B4GALNT2: variants seen among roughly 807,000 people sequenced by gnomAD.
B4GALNT2 encodes the protein N-acetylneuraminylgalactosylglucosyl-glucoside beta-1,4-N- acetylgalactosaminyltransferase 2.
B4GALNT2 carries 42 observed loss-of-function variants against 51.1 expected under a neutral mutation model. The ratio of observed to expected loss-of-function variants is 0.82; its 90% CI spans 0.64 to 1.06. The LOEUF is 1.06. Among genes scored for constraint, B4GALNT2 ranks in the 50% least tolerant of loss-of-function variants. B4GALNT2 has a pLI of 0.00. For synonymous variants in B4GALNT2, 253 were observed against 251.7 expected (o/e 1.01, Z -0.05); for missense variants, 602 against 633.6 (o/e 0.95, Z 0.54).
chr17:49,147,316 G>A (rs1296349254), intron 3 of B4GALNT2, among the ~76,000 whole-genome samples: 1 of 151,180 alleles, frequency 6.6e-6, no homozygotes, highest in African/African-American at 2.4e-5. Flanking sequence ...CTAAGAAAAA[G>A]TTCATTTTTT....
In B4GALNT2 at chr17:49,159,059, G is replaced by T. The variant is rs769982513; in HGVS notation, c.521G>T (p.Gly174Val). Residue 174 changes from glycine to valine, a missense_variant, in exon 6 of 11, where the codon GGG (glycine) becomes GTG (valine). Gly to Val is a moderately radical substitution (Grantham distance 109). Coordinates refer to ENST00000393354, the MANE Select transcript of B4GALNT2 (RefSeq NM_001159387.2). ...VYEVTLTASL[G>V]TLNTLADVPD... ...TAGGTCACCCTGACAGCTTCTCTGG[G>T]GACACTGAACACCCTTGCTGATGTC... The T allele has an allele frequency of 6.2e-7, 1 of 1,614,150 alleles. No homozygotes were observed. Among genetic ancestry groups the T allele is most frequent in the Non-Finnish European group, 8.5e-7 (1 of 1,180,008 alleles).
chr17:49,123,706 A>G, the B4GALNT2 span, among the ~76,000 whole-genome samples: 1 of 152,192 alleles, frequency 6.6e-6, no homozygotes, highest in Non-Finnish European at 1.5e-5. Flanking sequence ...TTAAATACCT[A>G]TGAGTTTCCC....
chr17:49,136,514 TAG>T (rs891316493), intron 1 of B4GALNT2, among the ~76,000 whole-genome samples: 20 of 149,798 alleles, frequency 1.3e-4, no homozygotes, highest in African/African-American at 4.9e-4. Context: ...GCTCTCACAT[TAG>T]AGTTTATTTA....
chr17:49,135,450 G>A (rs1043975982), intron 1 of B4GALNT2, among the ~76,000 whole-genome samples: 2 of 151,536 alleles, frequency 1.3e-5, no homozygotes, highest in Admixed American at 6.6e-5. Flanking sequence ...GCCTAAGATG[G>A]AGTTTCACCA....
In B4GALNT2 at chr17:49,175,890, AAG is replaced by A. The variant is rs1401038247; in HGVS notation, c.*6165_*6166del. 1.3e-5 allele frequency: 2 copies of A among 152,194 alleles called. No homozygotes were observed. Among genetic ancestry groups the A allele is most frequent in the African/African-American group, 4.8e-5 (2 of 41,438 alleles). The allele number at this position is 152,194 out of a possible 1,614,324, so 9.4% of individuals were successfully genotyped here. Reference sequence around the variant, plus strand: ...TCTTCAAAATAATGAGGGGGTGAAGAAGAGTAGGGACAAACCTCTTCCTCATT... The same window carrying A: ...TCTTCAAAATAATGAGGGGGTGAAGAAGTAGGGACAAACCTCTTCCTCATT... On this transcript the variant is annotated 3_prime_UTR_variant, in exon 11 of 11. Coordinates refer to ENST00000393354, the MANE Select transcript of B4GALNT2 (RefSeq NM_001159387.2).
upstream of B4GALNT2, among the ~76,000 whole-genome samples, chr17:49,129,278 G>C (rs182506596): frequency 4.8e-3 from 724 of 152,298 alleles, 1 homozygote; most frequent in Non-Finnish European, 7.2e-3. Context: ...GGCAGTCAGA[G>C]GTGGATTCCT....
chr17:49,123,315 A>C, the B4GALNT2 span, among the ~76,000 whole-genome samples: 2 of 152,236 alleles, frequency 1.3e-5, no homozygotes, highest in Admixed American at 6.5e-5. Flanking sequence ...GCACCTGCTC[A>C]AACAGCTAGT....
At chr17:49,144,466 T>A (rs2042673992) in intron 3 of B4GALNT2, among the ~76,000 whole-genome samples, 1 of 152,176 alleles carries the variant, frequency 6.6e-6, no homozygotes, top group African/African-American at 2.4e-5. Context: ...CACCTAGCTA[T>A]GTGAGGAGCA....
chr17:49,136,465 A>AT (rs577120060), intron 1 of B4GALNT2, among the ~76,000 whole-genome samples: 1 of 151,746 alleles, frequency 6.6e-6, no homozygotes, highest in Non-Finnish European at 1.5e-5. Context: ...CAGTAATTTG[A>AT]TTTTTTTAAA....
At chr17:49,149,004 C>G (rs544925703) in intron 3 of B4GALNT2, 13 of 154,206 alleles carry the variant, frequency 8.4e-5, no homozygotes, top group Non-Finnish European at 1.4e-5. Flanking sequence ...TGCAATAAGC[C>G]GAGATCGTGC....
rs1303347541 is a variant in B4GALNT2 at position 49,171,388 on chromosome 17, AG to A, written c.*1662del. The A allele has an allele frequency of 2.7e-5, 12 of 436,914 alleles. No individual in the cohort carries two copies. The highest frequency in any genetic ancestry group is 2.2e-4 in the Admixed American group (8 of 36,964). 27.1% of individuals were successfully genotyped at this position (436,914 alleles called of 1,614,324 possible). A position where few individuals can be genotyped will look rare whatever the true frequency, so the allele number is the denominator to read the frequency against. On this transcript the variant is annotated 3_prime_UTR_variant, in exon 11 of 11. Transcript: ENST00000393354. Reference sequence around the variant, plus strand: ...TCAAGCACTCCAGTTCCTGGCATTAAGGTCAAGTGTGCCTGGGATGCTTTAA... The same window carrying A: ...TCAAGCACTCCAGTTCCTGGCATTAAGTCAAGTGTGCCTGGGATGCTTTAA...
At chr17:49,167,925 CTT>C (rs1172919668) in intron 9 of B4GALNT2, among the ~76,000 whole-genome samples, 1 of 152,176 alleles carries the variant, frequency 6.6e-6, no homozygotes, top group African/African-American at 2.4e-5. Flanking sequence ...CTCAACCACT[CTT>C]AACCTCCTAC....
intron 3 of B4GALNT2, among the ~76,000 whole-genome samples, chr17:49,149,980 G>A (rs1267570968): frequency 6.6e-6 from 1 of 152,170 alleles, no homozygotes; most frequent in Non-Finnish European, 1.5e-5. Context: ...GATTGAAGCT[G>A]AGTATGTTCC....
rs758014560 is a variant in B4GALNT2, at chr17:49,133,177, C to T, written c.14+371C>T. ...TTGGAACTCAGAGGCGCTGACCCAG[C>T]CTGGGGCCCGTTTGCTGCCCACGGG... On this transcript the variant is annotated intron_variant, in intron 1 of 10. Coordinates refer to ENST00000393354, the MANE Select transcript of B4GALNT2 (RefSeq NM_001159387.2). 2.8e-5 allele frequency: 42 copies of T among 1,514,870 alleles called. No individual in the cohort carries two copies. In the South Asian group the frequency reaches 4.9e-4, roughly 18 times the overall value. The allele number at this position is 1,514,870 out of a possible 1,614,324, so 93.8% of individuals were successfully genotyped here.
Position 49,174,985 on chromosome 17 carries a change from C to T in B4GALNT2, c.*5257C>T, listed in dbSNP as rs2042978700. The stretch of plus-strand genomic sequence containing the variant: ...ATCCATTGTTGTAACAAATCTCTTT[C>T]CCATAAATGTATAGGTACAGAAGTT... On this transcript the variant is annotated 3_prime_UTR_variant, in exon 11 of 11. Transcript: ENST00000393354. The T allele has an allele frequency of 6.6e-6, 1 of 152,154 alleles. No homozygotes were observed. The highest frequency in any genetic ancestry group is 2.4e-5 in the African/African-American group (1 of 41,436). The allele number at this position is 152,154 out of a possible 1,614,324, so 9.4% of individuals were successfully genotyped here. A position where few individuals can be genotyped will look rare whatever the true frequency, so the allele number is the denominator to read the frequency against.
At chr17:49,165,367 CT>C (rs1287553825) in intron 8 of B4GALNT2, among the ~76,000 whole-genome samples, 1 of 140,014 alleles carries the variant, frequency 7.1e-6, no homozygotes, top group African/African-American at 2.7e-5. Flanking sequence ...CCCTACCTTT[CT>C]TCCTCTCCAC....
intron 1 of B4GALNT2, 200 bp downstream of exon 1, chr17:49,133,006 C>T (rs777189354): frequency 2.1e-6 from 3 of 1,462,114 alleles, no homozygotes; most frequent in Admixed American, 5.8e-5. Context: ...GCGTGCGGAA[C>T]GAACTCTGCA....
intron 8 of B4GALNT2, among the ~76,000 whole-genome samples, chr17:49,164,900 C>T (rs1221968684): frequency 6.6e-6 from 1 of 152,114 alleles, no homozygotes; most frequent in Non-Finnish European, 1.5e-5. Flanking sequence ...CAGCCTCAAC[C>T]TTAAAGGCTC....
intron 3 of B4GALNT2, among the ~76,000 whole-genome samples, chr17:49,151,141 G>A (rs1349283830): frequency 0.98 from 3,771 of 3,836 alleles, 1,879 homozygotes; most frequent in Middle Eastern, 1. Flanking sequence ...TTGGGAGGCC[G>A]AGGCGGGCGG....
Sources: allele counts gnomAD v4.1 joint callset (sites outside exome capture counted in the v4.1 genomes callset), GRCh38; gene constraint gnomAD v4.1.1; transcripts MANE v1.5; gene names NCBI Gene and HGNC (gene_info 2026-07-23, HGNC 2026-07-21).